TCF7L2: variants seen among roughly 807,000 people sequenced by gnomAD.
TCF7L2 encodes transcription factor 7 like 2.
TCF7L2 carries 23 observed loss-of-function variants against 77.9 expected under a neutral mutation model. The observed-to-expected ratio is 0.30, with a 90% CI of 0.21 to 0.42. TCF7L2 has a LOEUF of 0.42. Among genes scored for constraint, TCF7L2 ranks in the 10% least tolerant of loss-of-function variants. The pLI is 1.00. For missense variants in TCF7L2, 654 were observed against 793.1 expected, an observed-to-expected ratio of 0.82 and a Z score of 2.11; for synonymous variants, 413 against 340.2, an observed-to-expected ratio of 1.21 and a Z score of -2.36.
intron 5 of TCF7L2, among the ~76,000 whole-genome samples, chr10:113,054,648 C>A (rs2055038577): frequency 6.6e-6 from 1 of 152,134 alleles, no homozygotes; most frequent in Admixed American, 6.5e-5. Context: ...CCTAAAATAA[C>A]AATTACTAAT....
chr10:113,155,132 G>A (rs996412580), intron 11 of TCF7L2, among the ~76,000 whole-genome samples: 10 of 152,014 alleles, frequency 6.6e-5, no homozygotes, highest in Admixed American at 3.9e-4. Context: ...AACTGGTAAC[G>A]GAAGCCTTTA....
At chr10:112,985,957 T>C (rs2041447016) in intron 4 of TCF7L2, among the ~76,000 whole-genome samples, 1 of 152,070 alleles carries the variant, frequency 6.6e-6, no homozygotes, top group African/African-American at 2.4e-5. Flanking sequence ...TTGGAGTTTC[T>C]ATATTCAAAT....
chr10:112,967,450 G>A (rs1047110436), intron 4 of TCF7L2, among the ~76,000 whole-genome samples: 3 of 151,950 alleles, frequency 2.0e-5, no homozygotes, highest in Non-Finnish European at 2.9e-5. Flanking sequence ...AATGGCCTTG[G>A]GTGATTCTAT....
At chr10:113,117,390 T>C (rs889838589) in intron 5 of TCF7L2, among the ~76,000 whole-genome samples, 78 of 23,634 alleles carry the variant, frequency 3.3e-3, no homozygotes, top group Non-Finnish European at 5.6e-3. Flanking sequence ...TCTCTCTCTC[T>C]CTCTCTCTCT....
chr10:113,161,634 CCT>C, intron 13 of TCF7L2: 6 of 1,535,906 alleles, frequency 3.9e-6, no homozygotes, highest in Non-Finnish European at 3.5e-6. Flanking sequence ...AACACGCTTC[CCT>C]GTTTGTAGTG....
intron 5 of TCF7L2, among the ~76,000 whole-genome samples, chr10:113,054,553 TC>T (rs1358514744): frequency 6.6e-6 from 1 of 152,168 alleles, no homozygotes; most frequent in Non-Finnish European, 1.5e-5. Context: ...TTGATTGCTT[TC>T]TAGCTTTTTT....
In TCF7L2 at chr10:113,073,127, TGTGA is replaced by T. The variant is rs1334494788; in HGVS notation, c.552+33003_552+33006del. 1.2e-3 allele frequency among the ~76,000 whole-genome samples: 136 copies of T among 117,032 alleles called. 1 individual carries two copies. In the South Asian group the frequency reaches 0.024, roughly 21 times the overall value. The allele number at this position is 117,032 out of a possible 152,430, so 76.8% of individuals were successfully genotyped here. On this transcript the variant is annotated intron_variant, in intron 5 of 13. Coordinates refer to ENST00000627217, the MANE Select transcript of TCF7L2 (RefSeq NM_001146274.2). Reference sequence around the variant, plus strand: ...GTGTGTGTGTGTGTGTGTGTGTGTGTGTGAGAGAGAGAGAGAGAGAGAGACAGAG... The same window carrying T: ...GTGTGTGTGTGTGTGTGTGTGTGTGTGAGAGAGAGAGAGAGAGAGACAGAG...
At chr10:113,085,086 T>A (rs1348279996) in intron 5 of TCF7L2, among the ~76,000 whole-genome samples, 3 of 152,022 alleles carry the variant, frequency 2.0e-5, no homozygotes, top group Admixed American at 6.6e-5. Flanking sequence ...TCTTTTTTTT[T>A]ATTCAGGTTT....
chr10:113,015,169 GA>G (rs1564786485), intron 4 of TCF7L2, among the ~76,000 whole-genome samples: 1 of 152,218 alleles, frequency 6.6e-6, no homozygotes, highest in African/African-American at 2.4e-5. Context: ...CTGGGCAACA[GA>G]ACAAGATTCC....
chr10:112,992,921 G>A (rs1170857896), intron 4 of TCF7L2, among the ~76,000 whole-genome samples: 10 of 151,918 alleles, frequency 6.6e-5, no homozygotes, highest in African/African-American at 2.2e-4. Context: ...CTGACACCGC[G>A]CCTGGCTAAT....
chr10:113,124,845 G>A (rs1169588799), intron 5 of TCF7L2, among the ~76,000 whole-genome samples: 2 of 151,750 alleles, frequency 1.3e-5, no homozygotes, highest in African/African-American at 2.4e-5. Flanking sequence ...TCAACTTTGC[G>A]GCACCCTAAA....
At chr10:113,130,022 G>T in intron 5 of TCF7L2, 1 of 1,221,620 alleles carries the variant, frequency 8.2e-7, no homozygotes, top group Admixed American at 3.0e-5. Flanking sequence ...TGTATGGGGG[G>T]ATGTGTGTAT....
chr10:112,973,876 C>T (rs962102024), intron 4 of TCF7L2, among the ~76,000 whole-genome samples: 2 of 152,196 alleles, frequency 1.3e-5, no homozygotes, highest in Admixed American at 6.5e-5. Flanking sequence ...AGGTGGGGGC[C>T]ACTGCACCCT....
intron 5 of TCF7L2, among the ~76,000 whole-genome samples, chr10:113,117,914 C>T (rs1203723576): frequency 1.3e-5 from 2 of 152,188 alleles, no homozygotes; most frequent in Admixed American, 1.3e-4. Context: ...CGCCTCCCTC[C>T]CTGGGAGCTG....
intron 5 of TCF7L2, among the ~76,000 whole-genome samples, chr10:113,061,648 C>T (rs979665131): frequency 2.6e-5 from 4 of 152,196 alleles, no homozygotes; most frequent in African/African-American, 9.7e-5. Flanking sequence ...AGGAAATTTG[C>T]TCTTCCGTGG....
At chr10:113,137,899 C>T (rs2067660215) in intron 5 of TCF7L2, among the ~76,000 whole-genome samples, 1 of 152,210 alleles carries the variant, frequency 6.6e-6, no homozygotes, top group African/African-American at 2.4e-5. Context: ...GGTGCACACA[C>T]ACCCCCAGCA....
chr10:113,001,682 AAC>A (rs2044510558), intron 4 of TCF7L2, among the ~76,000 whole-genome samples: 1 of 152,070 alleles, frequency 6.6e-6, no homozygotes, highest in Non-Finnish European at 1.5e-5. Context: ...CATGCCCCCT[AAC>A]ACATACACAG....
intron 5 of TCF7L2, among the ~76,000 whole-genome samples, chr10:113,124,942 T>C (rs1057492994): frequency 1.3e-5 from 2 of 152,004 alleles, no homozygotes; most frequent in Non-Finnish European, 2.9e-5. Context: ...GAGGCTTTCG[T>C]TGAGTTGTGT....
At position 113,036,665 on chromosome 10, in the gene TCF7L2, CTTCTTTCT is replaced by C. The variant is rs71489996; in HGVS notation, c.451-3341_451-3334del. 6.7e-4 allele frequency among the ~76,000 whole-genome samples: 101 copies of C among 150,920 alleles called. 1 individual carries two copies. In the East Asian group the frequency reaches 0.013, roughly 19 times the overall value. On this transcript the variant is annotated intron_variant, in intron 4 of 13. Coordinates refer to ENST00000627217, the MANE Select transcript of TCF7L2 (RefSeq NM_001146274.2). ...GATGAAATGCTTAAGCCAAGATGGC[CTTCTTTCT>C]TTCTTTCTTTCTTTCTTTTTTTTTA...
Sources: gnomAD v4.1 joint callset for allele counts (sites outside exome capture counted in the v4.1 genomes callset) on GRCh38, gnomAD v4.1.1 for gene constraint, MANE v1.5 for transcripts, NCBI Gene and HGNC (gene_info 2026-07-23, HGNC 2026-07-21) for gene names.